The following KIAA0513 variants were observed in gnomAD, a reference collection of about 807,000 sequenced individuals.
The protein encoded by KIAA0513 is KIAA0513.
KIAA0513 carries 39 observed loss-of-function variants against 56.5 expected under a neutral mutation model. That is an observed-to-expected ratio of 0.69 (90% CI 0.53 to 0.90). KIAA0513 has a LOEUF of 0.90. KIAA0513 is among the 40% of genes least tolerant of loss of function. The pLI is 0.00. For synonymous variants in KIAA0513, 268 were observed against 215.6 expected (o/e 1.24, Z -2.13); for missense variants, 591 against 535.2 (o/e 1.10, Z -1.03).
At chr16:85,053,122 C>T (rs12448119) in intron 1 of KIAA0513, among the ~76,000 whole-genome samples, 11,470 of 152,226 alleles carry the variant, frequency 0.075, 835 homozygotes, top group East Asian at 0.29. Flanking sequence ...CTCCTGACCT[C>T]AGGTGATCCG....
chr16:85,054,083 C>A (rs2073293355), intron 1 of KIAA0513, among the ~76,000 whole-genome samples: 1 of 151,994 alleles, frequency 6.6e-6, no homozygotes, highest in South Asian at 2.1e-4. Context: ...TCACTTGAGC[C>A]CAGGAGGTGG....
chr16:85,072,346 T>C (rs2073589733), intron 3 of KIAA0513, among the ~76,000 whole-genome samples: 1 of 152,222 alleles, frequency 6.6e-6, no homozygotes, highest in Non-Finnish European at 1.5e-5. Context: ...TGTGCGTGCA[T>C]ATTTTTATTA....
chr16:85,071,156 C>T (rs2073567607), intron 2 of KIAA0513, among the ~76,000 whole-genome samples: 1 of 152,050 alleles, frequency 6.6e-6, no homozygotes, highest in South Asian at 2.1e-4. Context: ...GCATGTTATC[C>T]ATCCTAGTGG....
chr16:85,039,886 G>T (rs954533656), intron 1 of KIAA0513, among the ~76,000 whole-genome samples: 7 of 151,268 alleles, frequency 4.6e-5, no homozygotes, highest in African/African-American at 1.7e-4. Flanking sequence ...CCAGGCTGGA[G>T]TGCAGTGGCA....
chr16:85,087,461 C>G (rs1276687110), intron 12 of KIAA0513, among the ~76,000 whole-genome samples: 2 of 152,232 alleles, frequency 1.3e-5, no homozygotes, highest in African/African-American at 4.8e-5. Context: ...GGCACTGGGA[C>G]TCAGCTTGCA....
At position 85,081,306 on chromosome 16, in the gene KIAA0513, G is replaced by A. The variant is rs767621531; in HGVS notation, c.903-9G>A. ...TTGGAGAGAGTGTGACTGGGGCTCT[G>A]TCTTGCAGGCACACTCTGAGGTTCT... On this transcript the variant is annotated splice_polypyrimidine_tract_variant and intron_variant, in intron 8 of 12. Transcript: ENST00000683363. The surrounding 1 kb of genome is among the most constrained non-coding windows in gnomAD (Gnocchi z 4.4). 6.2e-7 allele frequency: 1 copy of A among 1,613,210 alleles called. No individual in the cohort carries two copies. Among genetic ancestry groups the A allele is most frequent in the South Asian group, 1.1e-5 (1 of 90,818 alleles).
At chr16:85,070,940 T>C (rs1300919858) in intron 2 of KIAA0513, among the ~76,000 whole-genome samples, 1 of 152,208 alleles carries the variant, frequency 6.6e-6, no homozygotes, top group Admixed American at 6.5e-5. Flanking sequence ...TTCCAGAAAT[T>C]ACTGCAAAAG....
At chr16:85,062,485 G>A (rs2073420371) in intron 1 of KIAA0513, among the ~76,000 whole-genome samples, 1 of 152,208 alleles carries the variant, frequency 6.6e-6, no homozygotes, top group South Asian at 2.1e-4. Context: ...AGGCCAGCAT[G>A]TTCCTATCTG....
intron 1 of KIAA0513, among the ~76,000 whole-genome samples, chr16:85,039,381 C>G (rs552095485): frequency 2.6e-5 from 4 of 152,336 alleles, no homozygotes; most frequent in African/African-American, 9.6e-5. Flanking sequence ...GGGCTCCCTG[C>G]AGCCTCAACC....
At chr16:85,087,671 C>T (rs904036141) in intron 12 of KIAA0513, among the ~76,000 whole-genome samples, 6 of 152,194 alleles carry the variant, frequency 3.9e-5, no homozygotes, top group Non-Finnish European at 8.8e-5. Context: ...GCTGGGGGCC[C>T]GTCCCTGTGT....
intron 10 of KIAA0513, 121 bp from the exon 11 acceptor site, chr16:85,086,523 T>G (rs926167514): frequency 1.1e-6 from 1 of 916,100 alleles, no homozygotes; most frequent in African/African-American, 1.6e-5. Flanking sequence ...GGCACCCCCT[T>G]CTGTGCCCGG....
chr16:85,070,001 CA>C (rs111746946), intron 2 of KIAA0513, among the ~76,000 whole-genome samples: 34,950 of 143,064 alleles, frequency 0.24, 4,361 homozygotes, highest in East Asian at 0.34. Flanking sequence ...CCCCTCTCTA[CA>C]AAAAAAAAAA....
chr16:85,036,195 A>G (rs2073034022), intron 1 of KIAA0513, among the ~76,000 whole-genome samples: 1 of 152,158 alleles, frequency 6.6e-6, no homozygotes, highest in African/African-American at 2.4e-5. Context: ...TTTAGATATC[A>G]TAACATTTTT....
chr16:85,079,220 C>T, intron 8 of KIAA0513: 1 of 990,094 alleles, frequency 1.0e-6, no homozygotes, highest in Non-Finnish European at 1.4e-6. Flanking sequence ...AAATGAGCAG[C>T]CGCTGAGAAA....
chr16:85,042,839 G>A (rs9923695), intron 1 of KIAA0513, among the ~76,000 whole-genome samples: 11,162 of 152,228 alleles, frequency 0.073, 686 homozygotes, highest in South Asian at 0.16. Context: ...AGGCCTCGCC[G>A]TGGCACTCAG....
At chr16:85,087,049 C>A (rs182988616) in intron 11 of KIAA0513, 23 bp from the exon 12 acceptor site, 9 of 1,610,858 alleles carry the variant, frequency 5.6e-6, no homozygotes, top group Non-Finnish European at 7.6e-6. Flanking sequence ...CAGCGGGTGA[C>A]GCTCTTGGGG....
chr16:85,048,003 G>A (rs369532803), intron 1 of KIAA0513, among the ~76,000 whole-genome samples: 2 of 152,122 alleles, frequency 1.3e-5, no homozygotes, highest in African/African-American at 4.8e-5. Flanking sequence ...CTTACCCTGT[G>A]GAGTAACCAT....
At chr16:85,078,129 C>G (rs539302879) in intron 6 of KIAA0513, among the ~76,000 whole-genome samples, 1 of 152,280 alleles carries the variant, frequency 6.6e-6, no homozygotes, top group East Asian at 1.9e-4. Context: ...CCCGGGGTCC[C>G]CTGTTCCCAC....
chr16:85,039,669 C>T (rs574760731), intron 1 of KIAA0513, among the ~76,000 whole-genome samples: 3 of 152,116 alleles, frequency 2.0e-5, no homozygotes, highest in South Asian at 2.1e-4. Flanking sequence ...AATGGGGTTT[C>T]GCCATGTTGG....
Sources: gnomAD v4.1 joint callset for allele counts (sites outside exome capture counted in the v4.1 genomes callset) on GRCh38, gnomAD v4.1.1 for gene constraint, Gnocchi (gnomAD v3.1) non-coding constraint, MANE v1.5 for transcripts, NCBI Gene and HGNC (gene_info 2026-07-23, HGNC 2026-07-21) for gene names.